DNAH7: variants seen among roughly 807,000 people sequenced by gnomAD.
DNAH7 encodes axonemal beta dynein heavy chain 7.
Under a neutral mutation model 444.6 loss-of-function variants are expected in DNAH7, and 397 were observed. The observed-to-expected ratio is 0.89, with a 90% CI of 0.82 to 0.97. DNAH7 has a LOEUF of 0.97. Ranked by LOEUF, DNAH7 falls within the 50% of genes least tolerant of loss-of-function variation. The pLI is 0.00. For synonymous variants in DNAH7, 1,636 were observed against 1,624.4 expected, an observed-to-expected ratio of 1.01 and a Z score of -0.17; for missense variants, 4,902 against 4,800.8, an observed-to-expected ratio of 1.02 and a Z score of -0.62.
chr2:195,906,876 C>T (rs750058387), intron 26 of DNAH7, 31 bp downstream of exon 26: 3 of 1,609,516 alleles, frequency 1.9e-6, no homozygotes, highest in South Asian at 2.2e-5. Flanking sequence ...CTTTTATTTT[C>T]ACATAATGCA....
At chr2:195,896,361 T>C (rs79947974) in intron 29 of DNAH7, among the ~76,000 whole-genome samples, 3 of 142,844 alleles carry the variant, frequency 2.1e-5, no homozygotes, top group African/African-American at 8.2e-5. Context: ...CAAAGAGTAG[T>C]TTTTTTTTTT....
At chr2:195,789,083 G>A (rs981808446) in intron 57 of DNAH7, among the ~76,000 whole-genome samples, 16 of 152,078 alleles carry the variant, frequency 1.1e-4, no homozygotes, top group African/African-American at 2.4e-5. Context: ...TTCCAGGGCT[G>A]GGGCAAGATA....
intron 19 of DNAH7, among the ~76,000 whole-genome samples, chr2:195,942,934 G>C (rs1390192972): frequency 6.6e-6 from 1 of 152,060 alleles, no homozygotes; most frequent in Non-Finnish European, 1.5e-5. Flanking sequence ...ACCTTGAATT[G>C]TAATAACCCC....
At chr2:195,954,695 TC>T (rs759843961) in intron 19 of DNAH7, among the ~76,000 whole-genome samples, 21 of 152,184 alleles carry the variant, frequency 1.4e-4, no homozygotes, top group Non-Finnish European at 2.8e-4. Context: ...ACCTGTTGTT[TC>T]CTGACTTTTT....
At chr2:196,027,120 T>C (rs1695738476) in intron 6 of DNAH7, among the ~76,000 whole-genome samples, 180 bp from the exon 7 acceptor site, 1 of 152,172 alleles carries the variant, frequency 6.6e-6, no homozygotes, top group African/African-American at 2.4e-5. Flanking sequence ...CAAATGTGTA[T>C]TTTCATGAAA....
intron 41 of DNAH7, 118 bp from the exon 42 acceptor site, chr2:195,862,064 G>A (rs1365640243): frequency 1.3e-6 from 1 of 748,068 alleles, no homozygotes; most frequent in Non-Finnish European, 2.2e-6. Context: ...GTGAGGGATG[G>A]TGTGGGAGAG....
intron 48 of DNAH7, among the ~76,000 whole-genome samples, chr2:195,831,869 G>A (rs1482024657): frequency 1.3e-5 from 2 of 152,136 alleles, no homozygotes; most frequent in African/African-American, 4.8e-5. Flanking sequence ...ATTGGGACCA[G>A]TATAGTTAAG....
At chr2:196,016,429 G>A (rs1695026777) in intron 9 of DNAH7, among the ~76,000 whole-genome samples, 1 of 152,096 alleles carries the variant, frequency 6.6e-6, no homozygotes, top group Non-Finnish European at 1.5e-5. Flanking sequence ...AAAAACATGG[G>A]GCAATGAAGT....
intron 21 of DNAH7, 59 bp from the exon 22 acceptor site, chr2:195,926,625 G>T: frequency 6.9e-7 from 1 of 1,449,160 alleles, no homozygotes. Context: ...ATACAATTGA[G>T]AGCTAAACTA....
intron 1 of DNAH7, among the ~76,000 whole-genome samples, chr2:196,058,859 T>C (rs1559378525): frequency 3.3e-5 from 5 of 152,170 alleles, no homozygotes; most frequent in Admixed American, 1.3e-4. Flanking sequence ...TGGAAATGTA[T>C]CAAGAAGAAT....
At chr2:195,986,846 C>T (rs887018594) in intron 14 of DNAH7, among the ~76,000 whole-genome samples, 1 of 152,096 alleles carries the variant, frequency 6.6e-6, no homozygotes, top group Non-Finnish European at 1.5e-5. Flanking sequence ...ACCACCTTAA[C>T]TCAGACAATT....
At chr2:195,881,751 G>A (rs1701392392) in intron 36 of DNAH7, 44 bp downstream of exon 36, 1 of 1,537,818 alleles carries the variant, frequency 6.5e-7, no homozygotes, top group Non-Finnish European at 8.9e-7. Flanking sequence ...ACATTCTTAG[G>A]AAGATTATGC....
intron 15 of DNAH7, among the ~76,000 whole-genome samples, chr2:195,982,527 C>T (rs1001184736): frequency 1.3e-5 from 2 of 152,174 alleles, no homozygotes; most frequent in African/African-American, 4.8e-5. Flanking sequence ...GATATCTGCA[C>T]TCCTATGTTT....
intron 48 of DNAH7, among the ~76,000 whole-genome samples, chr2:195,833,083 A>G (rs1377048570): frequency 6.6e-6 from 1 of 152,208 alleles, no homozygotes; most frequent in African/African-American, 2.4e-5. Flanking sequence ...CCCAATAAGA[A>G]TTAGTGATAA....
intron 7 of DNAH7, 44 bp downstream of exon 7, chr2:196,026,716 A>G (rs748544286): frequency 1.5e-6 from 2 of 1,351,776 alleles, no homozygotes; most frequent in Non-Finnish European, 2.1e-6. Flanking sequence ...ATCTTTAATG[A>G]GACACATATT....
At chr2:195,882,384 A>G (rs550782754) in intron 35 of DNAH7, among the ~76,000 whole-genome samples, 34 of 152,354 alleles carry the variant, frequency 2.2e-4, no homozygotes, top group African/African-American at 8.2e-4. Context: ...TCCCTAGAAG[A>G]TAAGCTGCAT....
chr2:195,834,228 A>G lies in DNAH7; in HGVS notation c.9078T>C (p.Asn3026=). ...TACCAGGAGTACCAAACTGGATGCA[A>G]TTTTCCAGAGTCCTGACATAGTCAG... ...SEPDYVRTLE[N]CIQFGTPVLL... is the part of the protein sequence containing the mutation. Residue 3026 remains asparagine (N), a synonymous_variant, in exon 48 of 65, where the codon AAT becomes AAC. Coordinates refer to ENST00000312428, the MANE Select transcript of DNAH7 (RefSeq NM_018897.3). The G allele has an allele frequency of 6.2e-7, 1 of 1,605,672 alleles. No homozygotes were observed. The highest frequency in any genetic ancestry group is 8.5e-7 in the Non-Finnish European group (1 of 1,173,844).
intron 61 of DNAH7, among the ~76,000 whole-genome samples, chr2:195,761,396 G>T (rs1213262115): frequency 6.6e-6 from 1 of 152,124 alleles, no homozygotes; most frequent in Non-Finnish European, 1.5e-5. Context: ...GAGGTAGAGA[G>T]AGATATATAT....
intron 45 of DNAH7, among the ~76,000 whole-genome samples, chr2:195,853,886 A>C (rs1431324015): frequency 6.6e-6 from 1 of 152,186 alleles, no homozygotes; most frequent in African/African-American, 2.4e-5. Context: ...TTTGTTTTAA[A>C]TATTCTACAA....
Sources: gnomAD v4.1 joint callset for allele counts (sites outside exome capture counted in the v4.1 genomes callset) on GRCh38, gnomAD v4.1.1 for gene constraint, MANE v1.5 for transcripts, NCBI Gene and HGNC (gene_info 2026-07-23, HGNC 2026-07-21) for gene names.